Variants in UNC13C observed in about 807,000 individuals in gnomAD.
The protein encoded by UNC13C is protein unc-13 homolog C.
In UNC13C, 174 loss-of-function variants were observed where a neutral mutation model predicts 245.4. That is an observed-to-expected ratio of 0.71 (90% CI 0.63 to 0.80). UNC13C has a LOEUF of 0.80. UNC13C is among the 30% of genes least tolerant of loss of function. The probability of loss-of-function intolerance (pLI) is 0.00; values close to 1 mark genes in which losing one functional copy is unlikely to be tolerated. For synonymous variants in UNC13C, 992 were observed against 895.1 expected (o/e 1.11, Z -1.93); for missense variants, 2,829 against 2,602.9 (o/e 1.09, Z -1.89).
chr15:53,890,992 T>C, the UNC13C span, among the ~76,000 whole-genome samples: 967 of 152,324 alleles, frequency 6.3e-3, 10 homozygotes, highest in African/African-American at 0.022. Context: ...CTTTCTCTTG[T>C]GGGCATTTAG....
chr15:53,886,825 C>T, the UNC13C span, among the ~76,000 whole-genome samples: 1 of 152,134 alleles, frequency 6.6e-6, no homozygotes, highest in African/African-American at 2.4e-5. Flanking sequence ...CACTTTACCT[C>T]TGTGATTTAC....
At chr15:54,109,735 G>A (rs74016074) in intron 2 of UNC13C, among the ~76,000 whole-genome samples, 2,990 of 152,128 alleles carry the variant, frequency 0.02, 88 homozygotes, top group African/African-American at 0.069. Context: ...ATGGTAATCC[G>A]GTAATCCTTA....
chr15:54,442,298 T>C (rs559953895), intron 19 of UNC13C, among the ~76,000 whole-genome samples: 36 of 147,972 alleles, frequency 2.4e-4, no homozygotes, highest in South Asian at 1.5e-3. Flanking sequence ...TTGCCCAGGC[T>C]GGAGTGCACT....
At chr15:54,584,286 C>G (rs184876851) in intron 30 of UNC13C, among the ~76,000 whole-genome samples, 1 of 152,346 alleles carries the variant, frequency 6.6e-6, no homozygotes, top group East Asian at 1.9e-4. Context: ...TTAGAACACA[C>G]TAGACCTATT....
intron 10 of UNC13C, among the ~76,000 whole-genome samples, chr15:54,279,743 TA>T (rs1430037469): frequency 6.6e-6 from 1 of 152,202 alleles, no homozygotes; most frequent in Non-Finnish European, 1.5e-5. Flanking sequence ...AAGAAATATT[TA>T]TTATCTCCCT....
chr15:54,180,451 G>A (rs920402246), intron 4 of UNC13C, among the ~76,000 whole-genome samples: 1 of 151,994 alleles, frequency 6.6e-6, no homozygotes, highest in African/African-American at 2.4e-5. Flanking sequence ...TGTGAATAGT[G>A]TGATGAACAT....
In UNC13C at chr15:54,080,006, G is replaced by GTTT. The variant is rs3985784; in HGVS notation, c.2984-62999_2984-62997dup. 4.0e-3 allele frequency among the ~76,000 whole-genome samples: 526 copies of GTTT among 129,910 alleles called. 33 individuals are homozygous for GTTT. The East Asian group carries it at 0.093, about 23-fold the overall frequency. The allele number at this position is 129,910 out of a possible 152,430, so 85.2% of individuals were successfully genotyped here. On this transcript the variant is annotated intron_variant, in intron 2 of 32. Coordinates refer to ENST00000260323, the MANE Select transcript of UNC13C (RefSeq NM_001080534.3). ...CCTTCAAGGCCTGGTTTGTCGAGCG[G>GTTT]TTTTTTTTTTTTTTTATCATAAAGT...
intron 22 of UNC13C, among the ~76,000 whole-genome samples, chr15:54,503,976 C>T (rs939367234): frequency 6.6e-6 from 1 of 151,960 alleles, no homozygotes; most frequent in African/African-American, 2.4e-5. Flanking sequence ...TTTAAAGGGA[C>T]AATTTATTCT....
chr15:54,325,700 G>A (rs952984012), intron 14 of UNC13C, among the ~76,000 whole-genome samples: 1 of 151,908 alleles, frequency 6.6e-6, no homozygotes, highest in East Asian at 1.9e-4. Context: ...TGAGAATGAT[G>A]TCTAAAATTT....
chr15:54,394,796 A>C (rs2040036585), intron 18 of UNC13C, among the ~76,000 whole-genome samples: 1 of 151,944 alleles, frequency 6.6e-6, no homozygotes, highest in South Asian at 2.1e-4. Flanking sequence ...AAATCATGGA[A>C]GAAATTAAAG....
chr15:54,384,605 A>G (rs1160529017), intron 17 of UNC13C, among the ~76,000 whole-genome samples: 3 of 152,120 alleles, frequency 2.0e-5, no homozygotes, highest in Non-Finnish European at 4.4e-5. Flanking sequence ...TTTCTAGGGA[A>G]AGATTTTATG....
At chr15:54,142,106 A>C (rs1567044909) in intron 2 of UNC13C, among the ~76,000 whole-genome samples, 1 of 152,194 alleles carries the variant, frequency 6.6e-6, no homozygotes, top group Non-Finnish European at 1.5e-5. Flanking sequence ...TGAATTAATG[A>C]GTTTCAGAGC....
chr15:54,383,482 C>A (rs1192580032), intron 17 of UNC13C, among the ~76,000 whole-genome samples: 2 of 151,922 alleles, frequency 1.3e-5, no homozygotes, highest in African/African-American at 4.8e-5. Context: ...TCTTTTATAA[C>A]AACGGTGAGC....
At chr15:54,590,566 G>A (rs1046224228) in intron 30 of UNC13C, among the ~76,000 whole-genome samples, 1 of 152,102 alleles carries the variant, frequency 6.6e-6, no homozygotes, top group Non-Finnish European at 1.5e-5. Context: ...TGTAAAAGGG[G>A]TTGAGTTCTT....
At chr15:54,494,489 T>C (rs892004490) in intron 19 of UNC13C, 119 bp from the exon 20 acceptor site, 4 of 992,738 alleles carry the variant, frequency 4.0e-6, no homozygotes, top group Non-Finnish European at 5.5e-6. Context: ...TCATTATACC[T>C]TTACATCTAA....
rs1474690312 is a variant in UNC13C, at chr15:54,546,714, T to C, written c.5697-8T>C. 6.8e-7 allele frequency: 1 copy of C among 1,462,620 alleles called. No individual in the cohort carries two copies. The highest frequency in any genetic ancestry group is 1.4e-5 in the South Asian group (1 of 69,898). The allele number at this position is 1,462,620 out of a possible 1,614,324, so 90.6% of individuals were successfully genotyped here. ...AAAAGTGAATATATATATATATTTTTTTTTCAGATTAAGTCTCTCAGCAAA... is the reference window on the plus strand; with the variant it reads ...AAAAGTGAATATATATATATATTTTCTTTTCAGATTAAGTCTCTCAGCAAA... On this transcript the variant is annotated splice_polypyrimidine_tract_variant and splice_region_variant and intron_variant, in intron 26 of 32. Coordinates refer to ENST00000260323, the MANE Select transcript of UNC13C (RefSeq NM_001080534.3).
At chr15:54,149,547 T>C (rs1190025835) in intron 4 of UNC13C, among the ~76,000 whole-genome samples, 1 of 152,244 alleles carries the variant, frequency 6.6e-6, no homozygotes, top group East Asian at 1.9e-4. Context: ...CAGTACCTTT[T>C]ACTTAGGCAA....
At chr15:54,109,428 A>C (rs1595866696) in intron 2 of UNC13C, among the ~76,000 whole-genome samples, 1 of 136,114 alleles carries the variant, frequency 7.3e-6, no homozygotes, top group Non-Finnish European at 1.5e-5. Flanking sequence ...CACAGCCTCC[A>C]CCTCCCAGGT....
chr15:54,447,681 T>G (rs970497202), intron 19 of UNC13C, among the ~76,000 whole-genome samples: 4 of 152,114 alleles, frequency 2.6e-5, no homozygotes, highest in Non-Finnish European at 4.4e-5. Context: ...TTATTACTCT[T>G]GCTAGTGGTC....
Sources: gnomAD v4.1 joint callset for allele counts (sites outside exome capture counted in the v4.1 genomes callset) on GRCh38, gnomAD v4.1.1 for gene constraint, MANE v1.5 for transcripts, NCBI Gene and HGNC (gene_info 2026-07-23, HGNC 2026-07-21) for gene names.